Variants in POP1 observed in about 807,000 individuals in gnomAD.
POP1 encodes ribonucleases P/MRP protein subunit POP1.
In POP1, 75 loss-of-function variants were observed where a neutral mutation model predicts 102.2. The observed-to-expected ratio is 0.73, with a 90% CI of 0.61 to 0.89. The LOEUF (loss-of-function observed/expected upper bound fraction) is 0.89. POP1 is among the 40% of genes least tolerant of loss of function. POP1 has a pLI of 0.00. For synonymous variants in POP1, 436 were observed against 464.1 expected, an observed-to-expected ratio of 0.94 and a Z score of 0.78; for missense variants, 1,116 against 1,267.4, an observed-to-expected ratio of 0.88 and a Z score of 1.81.
chr8:98,132,269 A>C (rs1297002735), intron 5 of POP1, among the ~76,000 whole-genome samples: 2 of 152,198 alleles, frequency 1.3e-5, no homozygotes, highest in East Asian at 3.9e-4. Flanking sequence ...ACTGAGGTAC[A>C]GAGAGGTTAG....
chr8:98,155,909 TTGTGTGTGTGTGTGTGTGTG>T (rs58936294), intron 14 of POP1, 121 bp from the exon 15 acceptor site: 359 of 519,574 alleles, frequency 6.9e-4, no homozygotes, highest in Admixed American at 1.6e-3. Context: ...TGGAAAGCTT[TTGTGTGTGTGTGTGTGTGTG>T]TGTGTGTGTG....
rs766639217 is a variant in POP1 at position 98,127,581 on chromosome 8, T to C, written c.143-14T>C. On this transcript the variant is annotated splice_polypyrimidine_tract_variant and intron_variant, in intron 2 of 15. Coordinates refer to ENST00000401707, the MANE Select transcript of POP1 (RefSeq NM_001145860.2). ...CTGATAAAGGTGACATGTTTCTTTT[T>C]GAAAATATACTAGAGCCTCATCCTG... 1 of 1,614,090 alleles carries C rather than the reference T, an allele frequency of 6.2e-7. No individual in the cohort carries two copies. The highest frequency in any genetic ancestry group is 2.2e-5 in the East Asian group (1 of 44,882).
chr8:98,150,055 T>TGA (rs1809477537), intron 13 of POP1, among the ~76,000 whole-genome samples: 1 of 152,248 alleles, frequency 6.6e-6, no homozygotes, highest in African/African-American at 2.4e-5. Context: ...ACATTACAGA[T>TGA]GCATTGATGC....
At position 98,142,958 on chromosome 8, in the gene POP1, A is replaced by G. The variant is rs376798750; in HGVS notation, c.1594+2070A>G. Among the ~76,000 whole-genome samples the G allele has an allele frequency of 6.6e-5, 10 of 152,312 alleles. No individual in the cohort carries two copies. The East Asian group carries it at 1.9e-3, about 29-fold the overall frequency. ...TAAAATACTTTAATCTGAAGGCTGT[A>G]ACTTTGGTTTTATTTGATTTCCAAA... On this transcript the variant is annotated intron_variant, in intron 11 of 15. Transcript: ENST00000401707.
At chr8:98,153,531 C>CCCTTTTTTTTTTTTTTTTTTTT (rs1430760385) in intron 14 of POP1, among the ~76,000 whole-genome samples, 2 of 81,236 alleles carry the variant, frequency 2.5e-5, no homozygotes, top group Non-Finnish European at 2.2e-5. Flanking sequence ...ACAGTTCTGA[C>CCCTTTTTTTTTTTTTTTTTTTT]TCTTTTTTTT....
At position 98,140,094 on chromosome 8, in the gene POP1, A is replaced by C. The variant is rs2306131; in HGVS notation, c.1379A>C (p.Glu460Ala). 2,239 of 1,613,934 alleles carry C rather than the reference A, an allele frequency of 1.4e-3. 29 individuals are homozygous for C. The Admixed American group carries it at 0.021, about 15-fold the overall frequency. Residue 460 changes from glutamate to alanine, a missense_variant, in exon 10 of 16, where the codon GAG (glutamate) becomes GCG (alanine). Coordinates refer to ENST00000401707, the MANE Select transcript of POP1 (RefSeq NM_001145860.2). Reference sequence around the variant, plus strand: ...ATTTTTCAGGTGGGAGAGGACACAGAGGAGACACCTCACCGCTGGTGGATA... The same window carrying C: ...ATTTTTCAGGTGGGAGAGGACACAGCGGAGACACCTCACCGCTGGTGGATA... ...ASVHTVGEDT[E>A]ETPHRWWIET... is the part of the protein sequence containing the mutation.
rs780356575 is a variant in POP1 at position 98,129,987 on chromosome 8, G to C, written c.496G>C (p.Ala166Pro). 3.1e-6 allele frequency: 5 copies of C among 1,613,958 alleles called. No homozygotes were observed. In the Admixed American group the frequency reaches 8.3e-5, roughly 27 times the overall value. The change falls in exon 5 of 16, where the codon GCC becomes CCC. Residue 166 changes from alanine (A) to proline (P), a missense_variant. Coordinates refer to ENST00000401707, the MANE Select transcript of POP1 (RefSeq NM_001145860.2). The part of the protein sequence containing the change: ...QEIAQKEAEK[A>P]VHQKKEHSKN... ...CTACTTGAAACTATAGGCGGAGAAA[G>C]CCGTACATCAGAAAAAAGAACATTC...
intron 13 of POP1, among the ~76,000 whole-genome samples, chr8:98,149,954 A>G (rs753444053): frequency 6.6e-5 from 10 of 152,272 alleles, no homozygotes; most frequent in East Asian, 1.9e-4. Flanking sequence ...ATTTTTTACT[A>G]TGAGATGCTT....
At chr8:98,148,718 A>C in intron 12 of POP1, 97 bp from the exon 13 acceptor site, 1 of 1,045,650 alleles carries the variant, frequency 9.6e-7, no homozygotes, top group South Asian at 1.4e-5. Flanking sequence ...CTTTTTTAAA[A>C]GAGCATTTAA....
intron 11 of POP1, among the ~76,000 whole-genome samples, chr8:98,141,634 A>C (rs1031266776): frequency 1.3e-5 from 2 of 151,302 alleles, no homozygotes; most frequent in African/African-American, 4.9e-5. Context: ...CATCACTGCA[A>C]CCTCCACCTC....
chr8:98,153,039 A>G (rs1218128242), intron 14 of POP1, among the ~76,000 whole-genome samples: 2 of 152,024 alleles, frequency 1.3e-5, no homozygotes, highest in Non-Finnish European at 2.9e-5. Context: ...GTGCGATCAT[A>G]GCTTACTGCA....
Position 98,146,571 on chromosome 8 carries a change from A to T in POP1, c.1598A>T (p.Asn533Ile). The T allele has an allele frequency of 6.2e-7, 1 of 1,611,774 alleles. No homozygotes were observed. Among genetic ancestry groups the T allele is most frequent in the Non-Finnish European group, 8.5e-7 (1 of 1,177,868 alleles). The change falls in exon 12 of 16, where the codon AAT (asparagine) becomes ATT (isoleucine). Residue 533 changes from asparagine (N) to isoleucine (I), a missense_variant. By Grantham distance (149) the Asn-to-Ile change is moderately radical. Transcript: ENST00000401707. ...GGCTATTTCTTTTCCCTCTTAGATAATGAGAAAGTTAGACAGCTGCTTCTG... is the reference window on the plus strand; with the variant it reads ...GGCTATTTCTTTTCCCTCTTAGATATTGAGAAAGTTAGACAGCTGCTTCTG... ...ALPNPEKCQDNEKVRQLLLEG... is the reference protein window; with the variant it reads ...ALPNPEKCQDIEKVRQLLLEG...
intron 13 of POP1, among the ~76,000 whole-genome samples, chr8:98,150,218 G>GT (rs1259983356): frequency 1.3e-5 from 2 of 152,138 alleles, no homozygotes; most frequent in African/African-American, 4.8e-5. Flanking sequence ...GACTTGACAT[G>GT]TTTTTAAAGT....
At chr8:98,124,623 G>A (rs1407715002) in intron 2 of POP1, among the ~76,000 whole-genome samples, 1 of 152,146 alleles carries the variant, frequency 6.6e-6, no homozygotes, top group African/African-American at 2.4e-5. Flanking sequence ...TCCCCACTAG[G>A]AGGAATGGTT....
rs1047947820 is a variant in POP1, at chr8:98,156,294, G to C, written c.2302G>C (p.Glu768Gln). The C allele has an allele frequency of 6.2e-7, 1 of 1,614,160 alleles. No individual in the cohort carries two copies. The highest frequency in any genetic ancestry group is 1.7e-5 in the Admixed American group (1 of 60,032). Residue 768 changes from glutamate to glutamine, a missense_variant, in exon 15 of 16, where the codon GAG becomes CAG. Physicochemically the swap from Glu to Gln is conservative, Grantham distance 29 (BLOSUM62 2). Coordinates refer to ENST00000401707, the MANE Select transcript of POP1 (RefSeq NM_001145860.2). ...EVGTSIEHPR[E>Q]AEEVMDAGCQ... The stretch of plus-strand genomic sequence containing the variant: ...GGGCACATCCATAGAGCACCCCAGG[G>C]AGGCAGAGGAGGTAATGGATGCAGG...
chr8:98,139,388 G>A (rs1331043541), intron 9 of POP1, among the ~76,000 whole-genome samples: 3 of 152,122 alleles, frequency 2.0e-5, no homozygotes, highest in Non-Finnish European at 2.9e-5. Flanking sequence ...CTTTGGTGAG[G>A]AACATTTTAT....
chr8:98,138,330 C>T (rs566639143), intron 9 of POP1, among the ~76,000 whole-genome samples: 2 of 152,246 alleles, frequency 1.3e-5, no homozygotes, highest in Admixed American at 6.5e-5. Context: ...CCCTTCTACA[C>T]TTCAGCCACC....
At chr8:98,120,677 T>G (rs9642947) in intron 1 of POP1, among the ~76,000 whole-genome samples, 2 of 144,178 alleles carry the variant, frequency 1.4e-5, no homozygotes, top group South Asian at 4.4e-4. Flanking sequence ...GACGGAGTCT[T>G]GCTCCGTCGC....
In POP1 at chr8:98,146,599, G is replaced by A; in HGVS notation, c.1626G>A (p.Glu542=). 1 of 1,613,968 alleles carries A rather than the reference G, an allele frequency of 6.2e-7. No homozygotes were observed. Among genetic ancestry groups the A allele is most frequent in the Non-Finnish European group, 8.5e-7 (1 of 1,179,886 alleles). Residue 542 remains glutamate, a synonymous_variant, in exon 12 of 16, where the codon GAG becomes GAA. Coordinates refer to ENST00000401707, the MANE Select transcript of POP1 (RefSeq NM_001145860.2). ...DNEKVRQLLL[E]GVPVECTHSF... ...AGAAAGTTAGACAGCTGCTTCTGGAGGGTGTGCCTGTGGAATGTACGCATA... is the reference window on the plus strand; with the variant it reads ...AGAAAGTTAGACAGCTGCTTCTGGAAGGTGTGCCTGTGGAATGTACGCATA...
Sources: gnomAD v4.1 joint callset for allele counts (sites outside exome capture counted in the v4.1 genomes callset) on GRCh38, gnomAD v4.1.1 for gene constraint, MANE v1.5 for transcripts, NCBI Gene and HGNC (gene_info 2026-07-23, HGNC 2026-07-21) for gene names.